Variants in BCAS1 observed in about 807,000 individuals in gnomAD.
BCAS1 encodes the protein breast carcinoma-amplified sequence 1.
In BCAS1, 46 loss-of-function variants were observed where a neutral mutation model predicts 65.4. The observed-to-expected ratio is 0.70, with a 90% confidence interval of 0.55 to 0.90. The LOEUF is 0.90. Ranked by LOEUF, BCAS1 falls within the 40% of genes least tolerant of loss-of-function variation. The pLI is 0.00. For synonymous variants in BCAS1, 298 were observed against 293.5 expected (o/e 1.02, Z -0.16); for missense variants, 793 against 771.2 (o/e 1.03, Z -0.33).
intron 12 of BCAS1, among the ~76,000 whole-genome samples, chr20:53,949,170 A>G (rs906101031): frequency 4.0e-5 from 6 of 150,642 alleles, no homozygotes; most frequent in Middle Eastern, 3.2e-3. Flanking sequence ...CACTTTTATC[A>G]TATGTGTCTG....
chr20:53,972,839 G>A (rs1377076363), intron 9 of BCAS1, among the ~76,000 whole-genome samples: 1 of 152,182 alleles, frequency 6.6e-6, no homozygotes, highest in Non-Finnish European at 1.5e-5. Flanking sequence ...TTTAACAGAT[G>A]AGTAAACTGA....
intron 2 of BCAS1, 73 bp from the exon 3 acceptor site, chr20:54,058,227 A>G: frequency 7.5e-7 from 1 of 1,333,728 alleles, no homozygotes; most frequent in South Asian, 1.2e-5. Flanking sequence ...AAGAACCTCT[A>G]AGATACAAGG....
chr20:53,969,590 A>G (rs2090127527), intron 9 of BCAS1, among the ~76,000 whole-genome samples: 1 of 152,204 alleles, frequency 6.6e-6, no homozygotes, highest in Admixed American at 6.5e-5. Context: ...AATGTATCTA[A>G]TAGTGGCTTA....
chr20:53,967,363 C>A (rs561600287), intron 9 of BCAS1, among the ~76,000 whole-genome samples: 13 of 152,112 alleles, frequency 8.5e-5, no homozygotes, highest in Non-Finnish European at 5.9e-5. Context: ...ATGCTCAATA[C>A]CCAATCAAAT....
chr20:54,009,212 T>C (rs1269758591), intron 4 of BCAS1, among the ~76,000 whole-genome samples: 1 of 151,870 alleles, frequency 6.6e-6, no homozygotes, highest in South Asian at 2.1e-4. Flanking sequence ...AGCAAAGAAA[T>C]AGAAGATATA....
chr20:53,943,931 A>AAAATAACCG lies in BCAS1; in HGVS notation c.*982_*990dup, dbSNP rs1167315739. ...GGACCTTGCCGCCCCCTTGTGTTGC[A>AAAATAACCG]AAATAACCGTGCAACTTCCTTTATT... On this transcript the variant is annotated 3_prime_UTR_variant, in exon 13 of 13. Transcript: ENST00000688948. 2.0e-5 allele frequency: 3 copies of AAAATAACCG among 152,058 alleles called. No homozygotes were observed. Among genetic ancestry groups the AAAATAACCG allele is most frequent in the Non-Finnish European group, 4.4e-5 (3 of 68,012 alleles). 9.4% of individuals were successfully genotyped at this position (152,058 alleles called of 1,614,324 possible). A position where few individuals can be genotyped will look rare whatever the true frequency, so the allele number is the denominator to read the frequency against.
intron 3 of BCAS1, among the ~76,000 whole-genome samples, chr20:54,032,980 A>G (rs2091833143): frequency 6.6e-6 from 1 of 151,238 alleles, no homozygotes; most frequent in South Asian, 2.1e-4. Context: ...GCCCTGATAG[A>G]TATCTACAGG....
At chr20:53,955,465 C>G (rs2089671416) in intron 11 of BCAS1, among the ~76,000 whole-genome samples, 2 of 152,174 alleles carry the variant, frequency 1.3e-5, no homozygotes, top group South Asian at 4.1e-4. Flanking sequence ...GGCCAGAAAC[C>G]AGAGATCCCA....
intron 1 of BCAS1, among the ~76,000 whole-genome samples, chr20:54,064,364 C>T (rs553673499): frequency 6.6e-6 from 1 of 152,202 alleles, no homozygotes; most frequent in African/African-American, 2.4e-5. Context: ...ACCTAGACAA[C>T]CAAACCCACG....
intron 4 of BCAS1, among the ~76,000 whole-genome samples, chr20:54,014,931 G>T (rs532149359): frequency 2.0e-5 from 3 of 152,292 alleles, no homozygotes; most frequent in African/African-American, 7.2e-5. Context: ...TTTGAAGATA[G>T]AATTTGTCCC....
intron 3 of BCAS1, among the ~76,000 whole-genome samples, chr20:54,035,055 A>G (rs555832053): frequency 6.6e-6 from 1 of 151,468 alleles, no homozygotes; most frequent in South Asian, 2.1e-4. Context: ...TATTCAATAA[A>G]AAGTGCTGGG....
At position 53,984,785 on chromosome 20, in the gene BCAS1, G is replaced by A. The variant is rs550773748; in HGVS notation, c.1275+502C>T. Reference sequence around the variant, plus strand: ...GTGGTTTGACTTTTCCTGTCATAGAGCACAGTGTTTGCCTACCCTGGTGGT... The same window carrying A: ...GTGGTTTGACTTTTCCTGTCATAGAACACAGTGTTTGCCTACCCTGGTGGT... On this transcript the variant is annotated intron_variant, in intron 8 of 12. Coordinates refer to ENST00000688948, the MANE Select transcript of BCAS1 (RefSeq NM_001366298.2). Among the ~76,000 whole-genome samples the A allele has an allele frequency of 2.6e-5, 4 of 152,326 alleles. No individual in the cohort carries two copies. In the South Asian group the frequency reaches 8.3e-4, roughly 32 times the overall value.
At chr20:53,966,331 C>G (rs902724541) in intron 10 of BCAS1, among the ~76,000 whole-genome samples, 9 of 152,208 alleles carry the variant, frequency 5.9e-5, no homozygotes, top group Non-Finnish European at 1.2e-4. Flanking sequence ...TTTGCAGCAA[C>G]TTGGATAGAG....
At chr20:54,047,005 G>A (rs2092121608) in intron 3 of BCAS1, among the ~76,000 whole-genome samples, 1 of 152,190 alleles carries the variant, frequency 6.6e-6, no homozygotes, top group Non-Finnish European at 1.5e-5. Context: ...CTATGGGCTG[G>A]TTCCTATGGT....
chr20:53,993,992 G>T (rs912066974), intron 6 of BCAS1, among the ~76,000 whole-genome samples: 3 of 152,150 alleles, frequency 2.0e-5, no homozygotes, highest in South Asian at 2.1e-4. Context: ...CCAGGACAAA[G>T]AATTTTTTTG....
intron 4 of BCAS1, among the ~76,000 whole-genome samples, chr20:54,007,307 G>T (rs535539758): frequency 2.8e-4 from 43 of 151,906 alleles, no homozygotes; most frequent in Non-Finnish European, 5.0e-4. Flanking sequence ...GGAATACAGT[G>T]ATGTCAGCTG....
chr20:53,973,177 C>T (rs975222025), intron 9 of BCAS1, among the ~76,000 whole-genome samples: 8 of 152,008 alleles, frequency 5.3e-5, no homozygotes, highest in East Asian at 3.9e-4. Context: ...TGCAGTGAGC[C>T]GAGATTGCGC....
intron 11 of BCAS1, among the ~76,000 whole-genome samples, chr20:53,955,387 T>C (rs145816527): frequency 2.6e-5 from 4 of 152,322 alleles, no homozygotes; most frequent in East Asian, 1.9e-4. Context: ...CCAAGTACAA[T>C]AGATATCCCA....
chr20:54,069,292 A>G (rs970441176), intron 1 of BCAS1, among the ~76,000 whole-genome samples: 1 of 152,224 alleles, frequency 6.6e-6, no homozygotes, highest in South Asian at 2.1e-4. Flanking sequence ...GGAGATGAAT[A>G]GTATTTTAAC....
Sources: allele counts gnomAD v4.1 joint callset (sites outside exome capture counted in the v4.1 genomes callset), GRCh38; gene constraint gnomAD v4.1.1; transcripts MANE v1.5; gene names NCBI Gene and HGNC (gene_info 2026-07-23, HGNC 2026-07-21).